The following UBE2H variants were observed in gnomAD, a reference collection of about 807,000 sequenced individuals.
The protein encoded by UBE2H is ubiquitin conjugating enzyme E2 H.
A neutral mutation model predicts 29.0 loss-of-function variants in UBE2H; 3 were observed. The ratio of observed to expected loss-of-function variants is 0.10; its 90% CI spans 0.05 to 0.27. The LOEUF (loss-of-function observed/expected upper bound fraction) is 0.27, where lower values mean the gene tolerates loss of function less well. UBE2H is among the 10% of genes least tolerant of loss of function. UBE2H has a pLI of 1.00. For synonymous variants in UBE2H, 69 were observed against 82.9 expected (o/e 0.83, Z 0.91); for missense variants, 68 against 228.2 (o/e 0.30, Z 4.52).
intron 1 of UBE2H, among the ~76,000 whole-genome samples, chr7:129,911,049 G>A (rs1337764689): frequency 6.6e-6 from 1 of 151,706 alleles, no homozygotes; most frequent in African/African-American, 2.4e-5. Flanking sequence ...GCAATGGAGG[G>A]CAGGGTTGGG....
intron 3 of UBE2H, among the ~76,000 whole-genome samples, chr7:129,864,830 G>A (rs1805870119): frequency 6.6e-6 from 1 of 152,016 alleles, no homozygotes; most frequent in East Asian, 1.9e-4. Flanking sequence ...GGGATTACAG[G>A]AGTGAGCCAC....
At chr7:129,940,012 T>C (rs1366376828) in intron 1 of UBE2H, among the ~76,000 whole-genome samples, 1 of 151,894 alleles carries the variant, frequency 6.6e-6, no homozygotes, top group Non-Finnish European at 1.5e-5. Flanking sequence ...ATTACCAAAG[T>C]TATACTGGCA....
chr7:129,857,623 T>C (rs1805729398), intron 4 of UBE2H, 60 bp from the exon 5 acceptor site: 1 of 1,540,102 alleles, frequency 6.5e-7, no homozygotes, highest in South Asian at 1.2e-5. Flanking sequence ...TGCATGTATC[T>C]GGCAACTAAT....
intron 1 of UBE2H, among the ~76,000 whole-genome samples, chr7:129,932,480 C>T (rs1010923968): frequency 6.6e-6 from 1 of 152,006 alleles, no homozygotes; most frequent in Non-Finnish European, 1.5e-5. Context: ...CATGCACTGG[C>T]CATTTGGAAA....
chr7:129,866,747 TA>T (rs1805911536), intron 3 of UBE2H, among the ~76,000 whole-genome samples: 1 of 152,224 alleles, frequency 6.6e-6, no homozygotes, highest in Non-Finnish European at 1.5e-5. Context: ...ATACATTTTT[TA>T]AAAAGGACCA....
rs998238186 is a variant in UBE2H at position 129,916,199 on chromosome 7, C to T, written c.54-35228G>A. ...TAACATCCTAAACACAAAGTTTAAC[C>T]GGCATTATAACCAGCTTAACAGAAA... is the stretch of plus-strand genomic sequence containing the variant. On this transcript the variant is annotated intron_variant, in intron 1 of 6. Transcript: ENST00000355621. 6.6e-5 allele frequency among the ~76,000 whole-genome samples: 10 copies of T among 152,040 alleles called. 1 individual carries two copies. The East Asian group carries it at 1.5e-3, about 23-fold the overall frequency.
chr7:129,922,547 G>T (rs1807184855), intron 1 of UBE2H, among the ~76,000 whole-genome samples: 1 of 151,828 alleles, frequency 6.6e-6, no homozygotes, highest in Admixed American at 6.6e-5. Flanking sequence ...AAAATCCTGA[G>T]GTTACAGGCA....
intron 1 of UBE2H, among the ~76,000 whole-genome samples, chr7:129,917,054 A>AAC (rs1208092665): frequency 6.7e-6 from 1 of 149,462 alleles, no homozygotes; most frequent in African/African-American, 2.5e-5. Flanking sequence ...AAAAAAAAAA[A>AAC]CACAGCTGGG....
chr7:129,947,512 G>A (rs768353127), intron 1 of UBE2H, among the ~76,000 whole-genome samples: 10 of 152,204 alleles, frequency 6.6e-5, no homozygotes, highest in Non-Finnish European at 1.3e-4. Context: ...TAGGGATAGA[G>A]TAACTACTGA....
At chr7:129,889,471 C>T (rs1294782969) in intron 1 of UBE2H, among the ~76,000 whole-genome samples, 1 of 152,174 alleles carries the variant, frequency 6.6e-6, no homozygotes, top group African/African-American at 2.4e-5. Flanking sequence ...CTAATTCAAG[C>T]TCTAAATTTC....
intron 1 of UBE2H, among the ~76,000 whole-genome samples, chr7:129,925,876 C>T (rs559759637): frequency 6.6e-6 from 1 of 152,276 alleles, no homozygotes; most frequent in East Asian, 1.9e-4. Flanking sequence ...ACATGAAGCC[C>T]GCCCTTATCT....
chr7:129,839,672 G>T, intron 5 of UBE2H: 1 of 262,754 alleles, frequency 3.8e-6, no homozygotes, highest in Non-Finnish European at 7.3e-6. Context: ...TCAGATGCTG[G>T]GTCTTAAAAG....
chr7:129,917,981 C>A (rs543861856), intron 1 of UBE2H, among the ~76,000 whole-genome samples: 1 of 152,186 alleles, frequency 6.6e-6, no homozygotes, highest in Non-Finnish European at 1.5e-5. Flanking sequence ...GCTTACTATT[C>A]CATGCTATGG....
Position 129,832,380 on chromosome 7 carries a change from T to A in UBE2H, c.*2557A>T, listed in dbSNP as rs996232703. On this transcript the variant is annotated 3_prime_UTR_variant, in exon 7 of 7. Transcript: ENST00000355621. ...GAACAAGAGGGCACAGTGGGATCCA[T>A]GCGGCAATTACAGGAGCTTCCAGCA... 3 of 152,282 alleles carry A rather than the reference T, an allele frequency of 2.0e-5. No individual in the cohort carries two copies. The highest frequency in any genetic ancestry group is 4.4e-5 in the Non-Finnish European group (3 of 68,184). 9.4% of individuals were successfully genotyped at this position (152,282 alleles called of 1,614,324 possible). A position where few individuals can be genotyped will look rare whatever the true frequency, so the allele number is the denominator to read the frequency against.
At chr7:129,890,809 T>C (rs77719053) in intron 1 of UBE2H, among the ~76,000 whole-genome samples, 9,515 of 152,136 alleles carry the variant, frequency 0.063, 365 homozygotes, top group Non-Finnish European at 0.092. Context: ...GGCAATATAT[T>C]ATAAACAGCT....
Position 129,950,397 on chromosome 7 carries a change from A to AG in UBE2H, c.53+2105dup, listed in dbSNP as rs911867331. On this transcript the variant is annotated intron_variant, in intron 1 of 6. Transcript: ENST00000355621. ...GCTATGAAATAAGCCACTTAGGGGG[A>AG]GAAAAAAAAGACACCCTGCTGTTCT... Among the ~76,000 whole-genome samples, 7 of 152,052 alleles carry AG rather than the reference A, an allele frequency of 4.6e-5. No homozygotes were observed. In the South Asian group the frequency reaches 1.2e-3, roughly 27 times the overall value.
intron 1 of UBE2H, among the ~76,000 whole-genome samples, chr7:129,927,792 T>C (rs956446826): frequency 2.0e-5 from 3 of 152,032 alleles, no homozygotes; most frequent in Non-Finnish European, 2.9e-5. Context: ...AGCAGAATAG[T>C]GGTTACTAGA....
chr7:129,860,176 A>T (rs1393432000), intron 3 of UBE2H, among the ~76,000 whole-genome samples: 2 of 152,168 alleles, frequency 1.3e-5, no homozygotes, highest in Admixed American at 6.5e-5. Context: ...CCTGAAGTAG[A>T]AAACAGGGGA....
intron 1 of UBE2H, among the ~76,000 whole-genome samples, chr7:129,901,398 C>CG (rs1806711780): frequency 6.6e-6 from 1 of 151,976 alleles, no homozygotes. Flanking sequence ...GGAAGGTGAC[C>CG]AACAGCGAGA....
Sources: gnomAD v4.1 joint callset for allele counts (sites outside exome capture counted in the v4.1 genomes callset) on GRCh38, gnomAD v4.1.1 for gene constraint, MANE v1.5 for transcripts, NCBI Gene and HGNC (gene_info 2026-07-23, HGNC 2026-07-21) for gene names.